Variants in GRHL2 observed in about 807,000 individuals in gnomAD.
The protein encoded by GRHL2 is grainyhead like transcription factor 2.
A neutral mutation model predicts 83.8 loss-of-function variants in GRHL2; 21 were observed. The ratio of observed to expected loss-of-function variants is 0.25; its 90% CI spans 0.18 to 0.36. The LOEUF (loss-of-function observed/expected upper bound fraction) is 0.36. GRHL2 is among the 10% of genes least tolerant of loss of function. The pLI is 1.00. For synonymous variants in GRHL2, 280 were observed against 278.9 expected, an observed-to-expected ratio of 1.00 and a Z score of -0.04; for missense variants, 623 against 781.8, an observed-to-expected ratio of 0.80 and a Z score of 2.42.
At chr8:101,497,900 C>G (rs1475445201) in intron 1 of GRHL2, among the ~76,000 whole-genome samples, 1 of 152,180 alleles carries the variant, frequency 6.6e-6, no homozygotes, top group Non-Finnish European at 1.5e-5. Context: ...TAGGCCTGCC[C>G]TAGATGTTGT....
At chr8:101,509,707 T>C (rs1008130602) in intron 1 of GRHL2, among the ~76,000 whole-genome samples, 3 of 152,180 alleles carry the variant, frequency 2.0e-5, no homozygotes, top group Non-Finnish European at 4.4e-5. Flanking sequence ...GCTTAATTAG[T>C]TTGGCTACTG....
At chr8:101,606,166 C>T (rs1317665034) in intron 8 of GRHL2, among the ~76,000 whole-genome samples, 3 of 152,200 alleles carry the variant, frequency 2.0e-5, no homozygotes, top group Non-Finnish European at 4.4e-5. Flanking sequence ...CAAACAAATC[C>T]TCACATTTAC....
chr8:101,631,598 T>C, intron 9 of GRHL2, 39 bp from the exon 10 acceptor site: 1 of 1,523,898 alleles, frequency 6.6e-7, no homozygotes, highest in Non-Finnish European at 9.1e-7. Context: ...GCTCTGCTAA[T>C]ATGCCTGGCA....
At chr8:101,509,118 CT>C (rs1810400602) in intron 1 of GRHL2, among the ~76,000 whole-genome samples, 1 of 43,058 alleles carries the variant, frequency 2.3e-5, no homozygotes, top group Admixed American at 1.7e-4. Flanking sequence ...TCCTTCCTTC[CT>C]TCCTTCCTTC....
chr8:101,531,930 G>A (rs1415219814), intron 1 of GRHL2, among the ~76,000 whole-genome samples: 2 of 152,120 alleles, frequency 1.3e-5, no homozygotes, highest in Non-Finnish European at 2.9e-5. Context: ...TTGTTTTACA[G>A]TTTATTGTTT....
intron 1 of GRHL2, among the ~76,000 whole-genome samples, chr8:101,536,034 TAGAC>T (rs1274584991): frequency 6.6e-6 from 1 of 152,148 alleles, no homozygotes; most frequent in Non-Finnish European, 1.5e-5. Flanking sequence ...GAGCACAATT[TAGAC>T]AGAGAAGCAG....
chr8:101,666,511 C>T (rs1157793163), intron 15 of GRHL2, 78 bp from the exon 16 acceptor site: 6 of 825,510 alleles, frequency 7.3e-6, no homozygotes, highest in East Asian at 2.5e-5. Flanking sequence ...CGAGAACCCC[C>T]AGCCTGGAGC....
chr8:101,651,796 C>G lies in GRHL2; in HGVS notation c.1698+2297C>G, dbSNP rs566028579. On this transcript the variant is annotated intron_variant, in intron 14 of 15. Coordinates refer to ENST00000646743, the MANE Select transcript of GRHL2 (RefSeq NM_024915.4). The stretch of plus-strand genomic sequence containing the variant: ...AGAGGTCAGGTTCCCTAGGCTGGCT[C>G]TGGTCAGATGTCTTATGGCAATTCT... Among the ~76,000 whole-genome samples the G allele has an allele frequency of 1.1e-4, 16 of 152,288 alleles. No individual in the cohort carries two copies. The South Asian group carries it at 3.3e-3, about 32-fold the overall frequency.
At chr8:101,512,586 G>A (rs868318868) in intron 1 of GRHL2, among the ~76,000 whole-genome samples, 2 of 151,974 alleles carry the variant, frequency 1.3e-5, no homozygotes, top group South Asian at 2.1e-4. Flanking sequence ...GCAATTCTCC[G>A]GCCTCAGCCA....
chr8:101,575,046 A>G (rs939541538), intron 6 of GRHL2, among the ~76,000 whole-genome samples: 2 of 152,056 alleles, frequency 1.3e-5, no homozygotes, highest in African/African-American at 4.8e-5. Context: ...CCTGAACCCA[A>G]CTCTCTTTAC....
chr8:101,603,362 C>T (rs757098528), intron 8 of GRHL2, among the ~76,000 whole-genome samples: 2 of 152,040 alleles, frequency 1.3e-5, no homozygotes, highest in East Asian at 3.9e-4. Flanking sequence ...AAAACCAATC[C>T]GGTATTTGGT....
In GRHL2 at chr8:101,525,651, C is replaced by T. The variant is rs532168278; in HGVS notation, c.21-17590C>T. On this transcript the variant is annotated intron_variant, in intron 1 of 15. Transcript: ENST00000646743. ...GATTCCAGGTGTGTACCACCACACC[C>T]GGCTTGAAATAACATTTTTGAAATG... Among the ~76,000 whole-genome samples the T allele has an allele frequency of 9.2e-5, 14 of 152,148 alleles. No individual in the cohort carries two copies. In the South Asian group the frequency reaches 1.9e-3, roughly 20 times the overall value.
chr8:101,622,044 C>A (rs1812977033), intron 9 of GRHL2, among the ~76,000 whole-genome samples: 1 of 152,078 alleles, frequency 6.6e-6, no homozygotes, highest in Non-Finnish European at 1.5e-5. Flanking sequence ...GCCCACCACC[C>A]ACTTGGGAAA....
chr8:101,609,514 GA>G, intron 8 of GRHL2, among the ~76,000 whole-genome samples: 1 of 151,172 alleles, frequency 6.6e-6, no homozygotes, highest in South Asian at 2.1e-4. Context: ...AGCAATTTCA[GA>G]AGTAAATTTA....
chr8:101,655,395 G>A (rs1485350328), intron 14 of GRHL2, among the ~76,000 whole-genome samples: 3 of 152,168 alleles, frequency 2.0e-5, no homozygotes, highest in Admixed American at 1.3e-4. Context: ...ATGAAGAATA[G>A]TTTTGTTTGT....
intron 7 of GRHL2, among the ~76,000 whole-genome samples, chr8:101,586,140 C>T (rs1190267602): frequency 7.2e-6 from 1 of 139,508 alleles, no homozygotes; most frequent in East Asian, 2.2e-4. Flanking sequence ...ACTGCAGTGG[C>T]GCAATCTCGG....
At chr8:101,579,535 G>C (rs1812004926) in intron 7 of GRHL2, among the ~76,000 whole-genome samples, 1 of 152,130 alleles carries the variant, frequency 6.6e-6, no homozygotes, top group Non-Finnish European at 1.5e-5. Context: ...CTTCCAACCT[G>C]AGAACAAGGC....
intron 4 of GRHL2, among the ~76,000 whole-genome samples, chr8:101,569,824 A>G (rs1811786579): frequency 6.6e-6 from 1 of 152,214 alleles, no homozygotes; most frequent in Admixed American, 6.5e-5. Context: ...ATAAATAGAA[A>G]TTTTATAGAT....
At chr8:101,591,131 A>T (rs1812272458) in intron 7 of GRHL2, among the ~76,000 whole-genome samples, 1 of 152,208 alleles carries the variant, frequency 6.6e-6, no homozygotes, top group Admixed American at 6.5e-5. Context: ...TATATGCAAA[A>T]GATAAAAAAT....
Sources: gnomAD v4.1 joint callset for allele counts (sites outside exome capture counted in the v4.1 genomes callset) on GRCh38, gnomAD v4.1.1 for gene constraint, MANE v1.5 for transcripts, NCBI Gene and HGNC (gene_info 2026-07-23, HGNC 2026-07-21) for gene names.